Variants in SHROOM3 observed in about 807,000 individuals in gnomAD.
The protein encoded by SHROOM3 is protein Shroom3.
A neutral mutation model predicts 138.6 loss-of-function variants in SHROOM3; 47 were observed. That is an observed-to-expected ratio of 0.34 (90% CI 0.27 to 0.43). The LOEUF is 0.43. Ranked by LOEUF, SHROOM3 falls within the 20% of genes least tolerant of loss-of-function variation. SHROOM3 has a pLI of 1.00. For missense variants in SHROOM3, 2,491 were observed against 2,596.5 expected, an observed-to-expected ratio of 0.96 and a Z score of 0.88; for synonymous variants, 1,062 against 1,063.3, an observed-to-expected ratio of 1.00 and a Z score of 0.02.
chr4:76,597,836 C>T lies in SHROOM3; in HGVS notation c.323+42073C>T, dbSNP rs141336764. 1.5e-3 allele frequency among the ~76,000 whole-genome samples: 229 copies of T among 152,214 alleles called. 1 individual carries two copies. The highest frequency in any genetic ancestry group is 5.4e-3 in the African/African-American group (224 of 41,524). Reference sequence around the variant, plus strand: ...CTGAGTGTGGGAGAACCAAAAGGCTCCCATCTAACACGGTGACAAGGCTAA... The same window carrying T: ...CTGAGTGTGGGAGAACCAAAAGGCTTCCATCTAACACGGTGACAAGGCTAA... On this transcript the variant is annotated intron_variant, in intron 2 of 10. Transcript: ENST00000296043.
In SHROOM3 at chr4:76,741,938, C is replaced by T; in HGVS notation, c.3753+12C>T. 1 of 1,611,344 alleles carries T rather than the reference C, an allele frequency of 6.2e-7. No homozygotes were observed. The highest frequency in any genetic ancestry group is 8.5e-7 in the Non-Finnish European group (1 of 1,179,600). On this transcript the variant is annotated intron_variant, in intron 5 of 10. Coordinates refer to ENST00000296043, the MANE Select transcript of SHROOM3 (RefSeq NM_020859.4). This position sits in a 1 kb window ranked among gnomAD's most constrained non-coding sequence, Gnocchi z 6.2. The stretch of plus-strand genomic sequence containing the variant: ...CAGACAAGCGCCAGGTACGTGCAAC[C>T]AGCAAGTCCTGGCCTCGAACTGTCC...
chr4:76,469,732 C>T (rs1000446890), intron 1 of SHROOM3, among the ~76,000 whole-genome samples: 3 of 152,224 alleles, frequency 2.0e-5, no homozygotes, highest in Non-Finnish European at 2.9e-5. Flanking sequence ...GCTGGGATTA[C>T]AGGCGTGAGC....
intron 1 of SHROOM3, among the ~76,000 whole-genome samples, chr4:76,502,771 T>C (rs1732126545): frequency 6.6e-6 from 1 of 152,256 alleles, no homozygotes; most frequent in Non-Finnish European, 1.5e-5. Flanking sequence ...TGGTTTTATC[T>C]TTCATATTTG....
intron 8 of SHROOM3, among the ~76,000 whole-genome samples, chr4:76,757,326 G>A (rs1721851405): frequency 6.6e-6 from 1 of 152,174 alleles, no homozygotes; most frequent in Non-Finnish European, 1.5e-5. Flanking sequence ...CAAGGTCATT[G>A]AACATGTGAG....
In SHROOM3 at chr4:76,741,448, G is replaced by C; in HGVS notation, c.3275G>C (p.Arg1092Pro). The change falls in exon 5 of 11, where the codon CGC becomes CCC. Residue 1092 changes from arginine to proline, a missense_variant. Physicochemically the swap from Arg to Pro is moderately radical, Grantham distance 103. Around this residue, in one of 4 missense-constraint regions of SHROOM3, gnomAD observed 1,733 missense variants for 1,661.6 expected, o/e 1.04. Coordinates refer to ENST00000296043, the MANE Select transcript of SHROOM3 (RefSeq NM_020859.4). The surrounding 1 kb of genome is among the most constrained non-coding windows in gnomAD (Gnocchi z 6.2). Reference protein sequence around the residue: ...QQSALADYIQRKTGKRPTSAA... With the variant: ...QQSALADYIQPKTGKRPTSAA... ...AGCGCCCTGGCGGACTACATCCAGCGCAAGACCGGCAAGCGGCCTACCTCC... is the reference window on the plus strand; with the variant it reads ...AGCGCCCTGGCGGACTACATCCAGCCCAAGACCGGCAAGCGGCCTACCTCC... 3 of 1,578,866 alleles carry C rather than the reference G, an allele frequency of 1.9e-6. No individual in the cohort carries two copies. The highest frequency in any genetic ancestry group is 1.7e-6 in the Non-Finnish European group (2 of 1,164,792).
At chr4:76,688,975 T>C in intron 2 of SHROOM3, 1 of 966,284 alleles carries the variant, frequency 1.0e-6, no homozygotes, top group East Asian at 1.2e-4. Flanking sequence ...TTTTTTTTTT[T>C]TTTAGCTGTG....
intron 2 of SHROOM3, among the ~76,000 whole-genome samples, chr4:76,625,436 C>T (rs1387984676): frequency 6.6e-6 from 1 of 151,892 alleles, no homozygotes; most frequent in Non-Finnish European, 1.5e-5. Context: ...GTCTCCCTCC[C>T]TCTCCCTCAA....
chr4:76,761,594 C>A (rs1721989496), intron 9 of SHROOM3, among the ~76,000 whole-genome samples: 1 of 152,186 alleles, frequency 6.6e-6, no homozygotes, highest in African/African-American at 2.4e-5. Context: ...CTAAAAATTG[C>A]TCCCAGGTCA....
At chr4:76,738,692 G>C in intron 4 of SHROOM3, 69 bp from the exon 5 acceptor site, 1 of 1,556,846 alleles carries the variant, frequency 6.4e-7, no homozygotes, top group South Asian at 1.1e-5. Context: ...TTATAAGCTG[G>C]GTCCTCTGCC....
chr4:76,575,963 C>T (rs374283636), intron 2 of SHROOM3, among the ~76,000 whole-genome samples: 6 of 152,156 alleles, frequency 3.9e-5, no homozygotes, highest in Middle Eastern at 3.4e-3. Flanking sequence ...ATCCCACCCC[C>T]GTTAAAATGG....
At chr4:76,567,076 T>C (rs1450652666) in intron 2 of SHROOM3, among the ~76,000 whole-genome samples, 1 of 152,340 alleles carries the variant, frequency 6.6e-6, no homozygotes, top group East Asian at 1.9e-4. Context: ...TACTCCCCTC[T>C]TATTCTGCTG....
chr4:76,634,948 C>G (rs1487666068), intron 2 of SHROOM3, among the ~76,000 whole-genome samples: 4 of 152,140 alleles, frequency 2.6e-5, no homozygotes, highest in Non-Finnish European at 5.9e-5. Flanking sequence ...GCTTGACTAT[C>G]CATTAATTCC....
intron 2 of SHROOM3, among the ~76,000 whole-genome samples, chr4:76,652,415 T>C (rs1017884084): frequency 3.9e-5 from 6 of 152,192 alleles, no homozygotes; most frequent in South Asian, 2.1e-4. Context: ...CTGATTCTGA[T>C]GTCTCTAGGC....
chr4:76,483,742 T>C lies in SHROOM3; in HGVS notation c.168+47522T>C, dbSNP rs559150977. Among the ~76,000 whole-genome samples, 18 of 152,208 alleles carry C rather than the reference T, an allele frequency of 1.2e-4. No homozygotes were observed. In the South Asian group the frequency reaches 2.9e-3, roughly 25 times the overall value. On this transcript the variant is annotated intron_variant, in intron 1 of 10. Coordinates refer to ENST00000296043, the MANE Select transcript of SHROOM3 (RefSeq NM_020859.4). ...ACAATAGCAAAGACTTGGAACTGACTCAAATACCCATCAATGACAGACTGG... is the reference window on the plus strand; with the variant it reads ...ACAATAGCAAAGACTTGGAACTGACCCAAATACCCATCAATGACAGACTGG...
chr4:76,525,671 T>A (rs1329631954), intron 1 of SHROOM3, among the ~76,000 whole-genome samples: 1 of 152,218 alleles, frequency 6.6e-6, no homozygotes, highest in East Asian at 1.9e-4. Flanking sequence ...TGTTTTTTTC[T>A]TAATGCAAAG....
intron 3 of SHROOM3, among the ~76,000 whole-genome samples, chr4:76,713,410 G>T (rs1437449077): frequency 6.6e-6 from 1 of 151,946 alleles, no homozygotes; most frequent in Non-Finnish European, 1.5e-5. Flanking sequence ...AACAGAGCAG[G>T]ATCATCAATA....
intron 2 of SHROOM3, among the ~76,000 whole-genome samples, chr4:76,619,831 G>A (rs1217907082): frequency 6.6e-6 from 1 of 152,108 alleles, no homozygotes; most frequent in African/African-American, 2.4e-5. Flanking sequence ...GGAGGCCGAG[G>A]CGGGTGGATC....
At chr4:76,475,063 C>G (rs1415366268) in intron 1 of SHROOM3, among the ~76,000 whole-genome samples, 1 of 151,966 alleles carries the variant, frequency 6.6e-6, no homozygotes, top group Non-Finnish European at 1.5e-5. Flanking sequence ...TGATTATGTA[C>G]TTTGTAGCTT....
intron 2 of SHROOM3, among the ~76,000 whole-genome samples, chr4:76,565,160 C>CAAAAAAAAAAAAAAAAA (rs1166896258): frequency 1.1e-4 from 15 of 135,896 alleles, no homozygotes; most frequent in African/African-American, 3.9e-4. Flanking sequence ...GACTCCATTT[C>CAAAAAAAAAAAAAAAAA]AAAAAAAAAA....
Sources: allele counts gnomAD v4.1 joint callset (sites outside exome capture counted in the v4.1 genomes callset), GRCh38; gene constraint gnomAD v4.1.1; regional missense constraint gnomAD v4.1.1; non-coding constraint Gnocchi (gnomAD v3.1); transcripts MANE v1.5; gene names NCBI Gene and HGNC (gene_info 2026-07-23, HGNC 2026-07-21).